EYS: variants seen among roughly 807,000 people sequenced by gnomAD.
EYS encodes the protein EGF-like photoreceptor maintenance factor.
EYS carries 250 observed loss-of-function variants against 282.1 expected under a neutral mutation model. That is an observed-to-expected ratio of 0.89 (90% CI 0.80 to 0.98). The LOEUF (loss-of-function observed/expected upper bound fraction) is 0.98, where lower values mean the gene tolerates loss of function less well. EYS is among the 50% of genes least tolerant of loss of function. The pLI, the probability that EYS is intolerant of heterozygous loss-of-function variation, is 0.00. For synonymous variants in EYS, 1,355 were observed against 1,282.9 expected, an observed-to-expected ratio of 1.06 and a Z score of -1.20; for missense variants, 4,016 against 3,709.0, an observed-to-expected ratio of 1.08 and a Z score of -2.15.
In EYS at chr6:65,140,264, G is replaced by T. The variant is rs574691574; in HGVS notation, c.2024-82537C>A. Among the ~76,000 whole-genome samples, 94 of 151,876 alleles carry T rather than the reference G, an allele frequency of 6.2e-4. 1 individual carries two copies. Among genetic ancestry groups the T allele is most frequent in the African/African-American group, 2.2e-3 (90 of 41,464 alleles). On this transcript the variant is annotated intron_variant, in intron 12 of 42. Transcript: ENST00000503581. ...TTTTTCTATTTTCAAGTTCACAGGAGAATGGAAAAGGCAGAGGAAAGAATT... is the reference window on the plus strand; with the variant it reads ...TTTTTCTATTTTCAAGTTCACAGGATAATGGAAAAGGCAGAGGAAAGAATT...
At chr6:63,907,353 G>T (rs2149735377) in intron 35 of EYS, among the ~76,000 whole-genome samples, 1 of 152,274 alleles carries the variant, frequency 6.6e-6, no homozygotes. Flanking sequence ...ACACATGGCT[G>T]TGGGAGTGAG....
At chr6:65,590,561 A>T (rs763098320) in intron 2 of EYS, among the ~76,000 whole-genome samples, 1 of 152,128 alleles carries the variant, frequency 6.6e-6, no homozygotes, top group Non-Finnish European at 1.5e-5. Flanking sequence ...ACTGTACAAC[A>T]GAACACTAAA....
At chr6:64,953,828 T>A (rs1360707517) in intron 14 of EYS, among the ~76,000 whole-genome samples, 1 of 151,932 alleles carries the variant, frequency 6.6e-6, no homozygotes, top group Non-Finnish European at 1.5e-5. Flanking sequence ...AAAACACAAT[T>A]TCTTTTACTT....
intron 19 of EYS, among the ~76,000 whole-genome samples, chr6:64,860,440 G>A (rs1457922912): frequency 2.0e-5 from 3 of 152,196 alleles, no homozygotes; most frequent in Admixed American, 1.3e-4. Flanking sequence ...GCTGTGGCAG[G>A]GCTGGAAGCT....
At chr6:64,175,752 G>C (rs185222515) in intron 31 of EYS, among the ~76,000 whole-genome samples, 1 of 151,986 alleles carries the variant, frequency 6.6e-6, no homozygotes, top group Non-Finnish European at 1.5e-5. Flanking sequence ...ACGCAATCTC[G>C]GTCACCCCAA....
At chr6:65,175,331 T>C (rs1404859329) in intron 12 of EYS, among the ~76,000 whole-genome samples, 1 of 151,410 alleles carries the variant, frequency 6.6e-6, no homozygotes, top group Non-Finnish European at 1.5e-5. Flanking sequence ...GCTTAAGCTA[T>C]AGTAAAAACT....
chr6:63,949,776 A>C (rs190249511), intron 35 of EYS, among the ~76,000 whole-genome samples: 23 of 152,346 alleles, frequency 1.5e-4, no homozygotes, highest in African/African-American at 5.5e-4. Flanking sequence ...TGGATTCCTA[A>C]GAACCTTTGG....
chr6:64,391,101 G>C (rs560649582), intron 28 of EYS, among the ~76,000 whole-genome samples: 1 of 152,160 alleles, frequency 6.6e-6, no homozygotes, highest in Non-Finnish European at 1.5e-5. Context: ...AAGGAGCAAA[G>C]CCTCCAAGAA....
chr6:64,229,060 G>A (rs1766336944), intron 31 of EYS, among the ~76,000 whole-genome samples: 1 of 152,036 alleles, frequency 6.6e-6, no homozygotes, highest in East Asian at 1.9e-4. Flanking sequence ...ATCACCTAAG[G>A]TTTTAGGAGT....
intron 35 of EYS, among the ~76,000 whole-genome samples, chr6:63,937,658 G>A (rs1294459373): frequency 2.0e-5 from 3 of 151,900 alleles, no homozygotes; most frequent in Admixed American, 1.3e-4. Flanking sequence ...TGGGATTATA[G>A]GCGTGAGCCA....
intron 32 of EYS, among the ~76,000 whole-genome samples, chr6:64,072,527 G>A (rs796449469): frequency 3.9e-5 from 6 of 151,900 alleles, no homozygotes; most frequent in African/African-American, 1.4e-4. Flanking sequence ...TGGAGGTGAG[G>A]TGGTGGTTGG....
chr6:63,902,067 A>G (rs1183554810), intron 35 of EYS, among the ~76,000 whole-genome samples: 1 of 151,792 alleles, frequency 6.6e-6, no homozygotes, highest in Non-Finnish European at 1.5e-5. Flanking sequence ...TAATTTTTAT[A>G]TTGTTTAGTA....
chr6:64,676,135 T>C (rs1769662921), intron 22 of EYS, among the ~76,000 whole-genome samples: 1 of 145,076 alleles, frequency 6.9e-6, no homozygotes, highest in South Asian at 2.2e-4. Flanking sequence ...TGTCTAAGAC[T>C]TTCATATTAT....
intron 22 of EYS, among the ~76,000 whole-genome samples, chr6:64,632,576 T>C (rs930296300): frequency 1.3e-5 from 2 of 152,264 alleles, no homozygotes; most frequent in Non-Finnish European, 2.9e-5. Flanking sequence ...CCTGACCTCT[T>C]CTCTGTCCTG....
intron 12 of EYS, among the ~76,000 whole-genome samples, chr6:65,282,242 A>T (rs933290184): frequency 1.3e-5 from 2 of 152,050 alleles, no homozygotes; most frequent in Admixed American, 6.6e-5. Flanking sequence ...TGTTCTCATC[A>T]CAAACATATT....
chr6:64,298,967 A>G (rs758270639), intron 30 of EYS, among the ~76,000 whole-genome samples: 8 of 152,226 alleles, frequency 5.3e-5, no homozygotes, highest in Non-Finnish European at 8.8e-5. Context: ...TAAAAGACTC[A>G]ATACAGCAAG....
intron 8 of EYS, among the ~76,000 whole-genome samples, chr6:65,367,646 G>A (rs1369716124): frequency 6.6e-6 from 1 of 151,452 alleles, no homozygotes; most frequent in African/African-American, 2.4e-5. Context: ...CGAGATACAA[G>A]ATAAGCTTGC....
intron 11 of EYS, among the ~76,000 whole-genome samples, chr6:65,319,742 G>A (rs916675223): frequency 6.6e-6 from 1 of 152,156 alleles, no homozygotes; most frequent in African/African-American, 2.4e-5. Flanking sequence ...GCTAGGGGAG[G>A]TGAGTGTAGG....
At chr6:63,866,074 T>C (rs987483203) in intron 35 of EYS, among the ~76,000 whole-genome samples, 5 of 152,176 alleles carry the variant, frequency 3.3e-5, no homozygotes, top group African/African-American at 1.2e-4. Flanking sequence ...AAATTATATA[T>C]CGATGCCCCT....
Sources: gnomAD v4.1 joint callset for allele counts (sites outside exome capture counted in the v4.1 genomes callset) on GRCh38, gnomAD v4.1.1 for gene constraint, MANE v1.5 for transcripts, NCBI Gene and HGNC (gene_info 2026-07-23, HGNC 2026-07-21) for gene names.